PIEZO2: variants seen among roughly 807,000 people sequenced by gnomAD.
The protein encoded by PIEZO2 is piezo type mechanosensitive ion channel component 2.
In PIEZO2, 172 loss-of-function variants were observed where a neutral mutation model predicts 337.3. The ratio of observed to expected loss-of-function variants is 0.51; its 90% CI spans 0.45 to 0.58. The LOEUF (loss-of-function observed/expected upper bound fraction) is 0.58, where lower values mean the gene tolerates loss of function less well. PIEZO2 is among the 20% of genes least tolerant of loss of function. PIEZO2 has a pLI of 0.00. For missense variants in PIEZO2, 3,028 were observed against 3,391.3 expected (o/e 0.89, Z 2.66); for synonymous variants, 1,251 against 1,228.5 (o/e 1.02, Z -0.38).
chr18:10,832,958 C>A (rs1598552325), intron 7 of PIEZO2, among the ~76,000 whole-genome samples: 1 of 152,198 alleles, frequency 6.6e-6, no homozygotes. Context: ...GCCTCCCTGC[C>A]TGCCCTCCGG....
rs2033742927 is a variant in PIEZO2 at position 10,670,926 on chromosome 18, G to T, written c.*601C>A. 6.6e-6 allele frequency: 1 copy of T among 152,528 alleles called. No individual in the cohort carries two copies. The highest frequency in any genetic ancestry group is 1.9e-4 in the East Asian group (1 of 5,176). The allele number at this position is 152,528 out of a possible 1,614,324, so 9.4% of individuals were successfully genotyped here. On this transcript the variant is annotated 3_prime_UTR_variant, in exon 56 of 56. Transcript: ENST00000674853. ...CCTATTAGTCCTTGGTTAAGATAAG[G>T]CAGTAAGAGTATCACTAATACTATG...
chr18:11,145,031 G>T (rs757309100), intron 1 of PIEZO2, among the ~76,000 whole-genome samples: 6 of 152,076 alleles, frequency 3.9e-5, no homozygotes, highest in Non-Finnish European at 8.8e-5. Context: ...GAAACTAAAC[G>T]TAAAATATGT....
chr18:11,068,675 C>A (rs4797496), intron 1 of PIEZO2, among the ~76,000 whole-genome samples: 97,121 of 151,938 alleles, frequency 0.64, 31,839 homozygotes, highest in East Asian at 0.97. Context: ...GAAAGAAATA[C>A]TAAAGATCAG....
At position 11,148,566 on chromosome 18, in the gene PIEZO2, C is replaced by G. The variant is rs1599033931; in HGVS notation, c.23G>C (p.Gly8Ala). 6.5e-7 allele frequency: 1 copy of G among 1,537,190 alleles called. No individual in the cohort carries two copies. Among genetic ancestry groups the G allele is most frequent in the East Asian group, 2.4e-5 (1 of 40,884 alleles). Residue 8 changes from glycine (G) to alanine (A), a missense_variant, in exon 1 of 56, where the codon GGG becomes GCG. Gly to Ala is a moderately conservative substitution (Grantham distance 60). Around this residue, in one of 5 missense-constraint regions of PIEZO2, gnomAD observed 542 missense variants for 605.6 expected, o/e 0.89. Transcript: ENST00000674853. The surrounding 1 kb of genome is among the most constrained non-coding windows in gnomAD (Gnocchi z 5.2). MASEVVC[G>A]LIFRLLLPIC... Reference sequence around the variant, plus strand: ...GGGCAGCAGCAGCCTGAAGATGAGCCCGCACACCACTTCTGAGGCCATCGC... The same window carrying G: ...GGGCAGCAGCAGCCTGAAGATGAGCGCGCACACCACTTCTGAGGCCATCGC...
At chr18:10,950,526 TC>T (rs2033243801) in intron 3 of PIEZO2, among the ~76,000 whole-genome samples, 1 of 152,242 alleles carries the variant, frequency 6.6e-6, no homozygotes, top group South Asian at 2.1e-4. Flanking sequence ...ATTACTTGTG[TC>T]TTTGGTTATT....
chr18:11,050,084 A>G (rs145132990), intron 2 of PIEZO2, among the ~76,000 whole-genome samples: 2,330 of 152,302 alleles, frequency 0.015, 24 homozygotes, highest in Middle Eastern at 0.065. Context: ...CAACAATGGA[A>G]TATGACATCT....
chr18:10,769,945 C>T (rs562118683), intron 21 of PIEZO2: 5 of 526,070 alleles, frequency 9.5e-6, no homozygotes, highest in African/African-American at 1.9e-5. Flanking sequence ...ACCAAGCCAA[C>T]GAGAAACTCA....
At chr18:10,866,847 G>A in intron 5 of PIEZO2, among the ~76,000 whole-genome samples, 1 of 152,186 alleles carries the variant, frequency 6.6e-6, no homozygotes, top group Non-Finnish European at 1.5e-5. Flanking sequence ...TGAAACTAAT[G>A]GCATCTAAAA....
At position 11,077,748 on chromosome 18, in the gene PIEZO2, C is replaced by CT. The variant is rs373710513; in HGVS notation, c.65-11527dup. 6.6e-6 allele frequency among the ~76,000 whole-genome samples: 1 copy of CT among 152,266 alleles called. No homozygotes were observed. Among genetic ancestry groups the CT allele is most frequent in the African/African-American group, 2.4e-5 (1 of 41,530 alleles). On this transcript the variant is annotated intron_variant, in intron 1 of 55. Transcript: ENST00000674853. This position sits in a 1 kb window ranked among gnomAD's most constrained non-coding sequence, Gnocchi z 4.8. ...ATCAGTACTTTTAAACTTTGAACCA[C>CT]TGACCTTGGTAGTTCTATATGTCAA...
rs928119568 is a variant in PIEZO2 at position 11,110,348 on chromosome 18, A to G, written c.64+38177T>C. 5.3e-5 allele frequency among the ~76,000 whole-genome samples: 8 copies of G among 152,304 alleles called. No individual in the cohort carries two copies. Among genetic ancestry groups the G allele is most frequent in the African/African-American group, 1.2e-4 (5 of 41,558 alleles). ...ATTCTGTTCTTTCTTTTCCAGAAATATCGTTTTATTTAAGAAGACAGTAGA... is the reference window on the plus strand; with the variant it reads ...ATTCTGTTCTTTCTTTTCCAGAAATGTCGTTTTATTTAAGAAGACAGTAGA... On this transcript the variant is annotated intron_variant, in intron 1 of 55. Transcript: ENST00000674853. The surrounding 1 kb of genome is among the most constrained non-coding windows in gnomAD (Gnocchi z 4.2).
Position 10,775,508 on chromosome 18 carries a change from A to G in PIEZO2, c.2535-1470T>C, listed in dbSNP as rs1355609092. Among the ~76,000 whole-genome samples, 1 of 152,216 alleles carries G rather than the reference A, an allele frequency of 6.6e-6. No homozygotes were observed. Among genetic ancestry groups the G allele is most frequent in the Non-Finnish European group, 1.5e-5 (1 of 68,042 alleles). On this transcript the variant is annotated intron_variant, in intron 18 of 55. Transcript: ENST00000674853. This position sits in a 1 kb window ranked among gnomAD's most constrained non-coding sequence, Gnocchi z 4.3. ...ACCTCAGAGTGAATCTTAAAGGTCT[A>G]CATTGACACTGCTGCAATCTCATAC...
At position 10,862,744 on chromosome 18, in the gene PIEZO2, G is replaced by C. The variant is rs550939792; in HGVS notation, c.493-5533C>G. ...AATTCCAGGAAGCTGTATGATTAAA[G>C]TACTCTCTGGGGTGACCTGAAGCAG... On this transcript the variant is annotated intron_variant, in intron 5 of 55. Transcript: ENST00000674853. The surrounding 1 kb of genome is among the most constrained non-coding windows in gnomAD (Gnocchi z 4.4). Among the ~76,000 whole-genome samples, 7 of 152,330 alleles carry C rather than the reference G, an allele frequency of 4.6e-5. No individual in the cohort carries two copies. The South Asian group carries it at 1.5e-3, about 32-fold the overall frequency.
chr18:11,013,721 C>T (rs1418705500), intron 2 of PIEZO2, among the ~76,000 whole-genome samples: 1 of 152,124 alleles, frequency 6.6e-6, no homozygotes, highest in Non-Finnish European at 1.5e-5. Context: ...CATTTAGAGT[C>T]CACCTGGATG....
rs1445227105 is a variant in PIEZO2 at position 10,675,271 on chromosome 18, T to A, written c.8099A>T (p.Tyr2700Phe). 4 of 1,538,976 alleles carry A rather than the reference T, an allele frequency of 2.6e-6. No homozygotes were observed. In the African/African-American group the frequency reaches 4.2e-5, roughly 16 times the overall value. ...ACTAGGTGCTTTCACATAATATGGA[T>A]AAATCTTTTCTATGGTCCTGTACAT... ...SKTPVTIEKI[Y>F]PYYVKAPSDS... The change falls in exon 54 of 56, where the codon TAT becomes TTT. Residue 2700 changes from tyrosine (Y) to phenylalanine (F), a missense_variant. By Grantham distance (22) the Tyr-to-Phe change is conservative (BLOSUM62 3). This residue lies in a region of PIEZO2 where 332 missense variants were observed against 363.8 expected (regional missense o/e 0.91). Transcript: ENST00000674853.
At chr18:10,967,011 G>GTTTTTTTTTTTTTTTT (rs1368023375) in intron 3 of PIEZO2, among the ~76,000 whole-genome samples, 3 of 109,392 alleles carry the variant, frequency 2.7e-5, no homozygotes, top group African/African-American at 7.2e-5. Flanking sequence ...CATTTTCTCT[G>GTTTTTTTTTTTTTTTT]TTTTTTGTTT....
At chr18:10,708,797 T>C (rs548754394) in intron 39 of PIEZO2, among the ~76,000 whole-genome samples, 1 of 152,314 alleles carries the variant, frequency 6.6e-6, no homozygotes, top group Admixed American at 6.5e-5. Flanking sequence ...TGAAAGAAAA[T>C]ATGCTTTATT....
Position 10,859,297 on chromosome 18 carries a change from G to A in PIEZO2, c.493-2086C>T, listed in dbSNP as rs145960881. 1.9e-3 allele frequency among the ~76,000 whole-genome samples: 288 copies of A among 152,242 alleles called. 3 individuals are homozygous for A. The highest frequency in any genetic ancestry group is 0.01 in the Middle Eastern group (3 of 294). On this transcript the variant is annotated intron_variant, in intron 5 of 55. Transcript: ENST00000674853. This position sits in a 1 kb window ranked among gnomAD's most constrained non-coding sequence, Gnocchi z 4.9. ...TGTCCCCAGGCCCGTGGCCACTTCC[G>A]CTCCCCTAGAGAACAATTCCCATCT...
intron 30 of PIEZO2, among the ~76,000 whole-genome samples, chr18:10,747,252 G>C (rs1440359684): frequency 6.6e-6 from 1 of 152,222 alleles, no homozygotes; most frequent in Non-Finnish European, 1.5e-5. Flanking sequence ...CAAAGAAAGA[G>C]GTTGCAAAAA....
chr18:10,770,264 G>C lies in PIEZO2; in HGVS notation c.2830C>G (p.Leu944Val). ...WHLVIDRLTV[L>V]FLKFLEYFHK... ...AAATACTCCAGGAATTTTAAGAAGA[G>C]CACAGTGAGGCGGTCAATCACCAGG... Residue 944 changes from leucine to valine, a missense_variant, in exon 21 of 56, where the codon CTC (leucine) becomes GTC (valine). Physicochemically the swap from Leu to Val is conservative, Grantham distance 32 (BLOSUM62 1). Transcript: ENST00000674853. 6.5e-7 allele frequency: 1 copy of C among 1,537,696 alleles called. No individual in the cohort carries two copies. Among genetic ancestry groups the C allele is most frequent in the Non-Finnish European group, 8.7e-7 (1 of 1,146,978 alleles).
Sources: allele counts gnomAD v4.1 joint callset (sites outside exome capture counted in the v4.1 genomes callset), GRCh38; gene constraint gnomAD v4.1.1; regional missense constraint gnomAD v4.1.1; non-coding constraint Gnocchi (gnomAD v3.1); transcripts MANE v1.5; gene names NCBI Gene and HGNC (gene_info 2026-07-23, HGNC 2026-07-21).